The following TNFRSF10B variants were observed in gnomAD, a reference collection of about 807,000 sequenced individuals.
TNFRSF10B encodes the protein tumor necrosis factor receptor superfamily member 10B.
TNFRSF10B carries 35 observed loss-of-function variants against 41.4 expected under a neutral mutation model. The ratio of observed to expected loss-of-function variants is 0.85; its 90% confidence interval spans 0.65 to 1.12. The LOEUF (loss-of-function observed/expected upper bound fraction) is 1.12, where lower values mean the gene tolerates loss of function less well. TNFRSF10B is among the 50% of genes most tolerant of loss of function. The pLI, the probability that TNFRSF10B is intolerant of heterozygous loss-of-function variation, is 0.00. For synonymous variants in TNFRSF10B, 230 were observed against 215.5 expected, an observed-to-expected ratio of 1.07 and a Z score of -0.59; for missense variants, 584 against 552.7, an observed-to-expected ratio of 1.06 and a Z score of -0.57.
chr8:23,045,297 T>C (rs1467948838), intron 1 of TNFRSF10B, among the ~76,000 whole-genome samples: 1 of 151,726 alleles, frequency 6.6e-6, no homozygotes, highest in Non-Finnish European at 1.5e-5. Flanking sequence ...TATGAAAATA[T>C]TATGAACAAT....
rs1585203789 is a variant in TNFRSF10B, at chr8:23,022,623, G to GA, written c.*47dup. On this transcript the variant is annotated 3_prime_UTR_variant, in exon 9 of 9. Transcript: ENST00000276431. ...CTGGAGTCCAGTTGGGCTTTTTCCA[G>GA]AAAAAAGGTAAACCAGGGAAGGTCT... The GA allele has an allele frequency of 1.2e-6, 2 of 1,610,800 alleles. No individual in the cohort carries two copies. The highest frequency in any genetic ancestry group is 1.7e-6 in the Non-Finnish European group (2 of 1,178,056).
chr8:23,042,632 A>G (rs1291189384), intron 2 of TNFRSF10B, among the ~76,000 whole-genome samples: 1 of 152,138 alleles, frequency 6.6e-6, no homozygotes, highest in Non-Finnish European at 1.5e-5. Flanking sequence ...CCCTCTGCTG[A>G]AAACTTCTCA....
intron 1 of TNFRSF10B, among the ~76,000 whole-genome samples, chr8:23,066,174 T>C (rs1782935611): frequency 6.6e-6 from 1 of 151,914 alleles, no homozygotes; most frequent in African/African-American, 2.4e-5. Flanking sequence ...TCCCAGCTAC[T>C]TGGGAGGCCG....
chr8:23,068,553 C>T (rs1813068468), intron 1 of TNFRSF10B, 198 bp downstream of exon 1: 4 of 769,076 alleles, frequency 5.2e-6, no homozygotes, highest in East Asian at 5.5e-5. Context: ...GCGCTCTGTT[C>T]CCTGGCGGCC....
intron 2 of TNFRSF10B, among the ~76,000 whole-genome samples, chr8:23,033,008 A>G (rs1811923534): frequency 6.6e-6 from 1 of 152,218 alleles, no homozygotes; most frequent in African/African-American, 2.4e-5. Context: ...CAATAAGGTT[A>G]TTAGCTAATT....
At position 23,020,936 on chromosome 8, in the gene TNFRSF10B, G is replaced by C. The variant is rs117494441; in HGVS notation, c.*1735C>G. The stretch of plus-strand genomic sequence containing the variant: ...GGGATGCCAGATGGAAGTGGGAGAG[G>C]ATGGAAGTGCAAAGACCAGAAAGGT... On this transcript the variant is annotated 3_prime_UTR_variant, in exon 9 of 9. Transcript: ENST00000276431. 1 of 454,076 alleles carries C rather than the reference G, an allele frequency of 2.2e-6. No homozygotes were observed. The highest frequency in any genetic ancestry group is 6.9e-5 in the East Asian group (1 of 14,394). 28.1% of individuals were successfully genotyped at this position (454,076 alleles called of 1,614,324 possible).
chr8:23,061,002 T>C (rs1048297128), intron 1 of TNFRSF10B, among the ~76,000 whole-genome samples: 3 of 152,222 alleles, frequency 2.0e-5, no homozygotes, highest in Admixed American at 6.5e-5. Flanking sequence ...GAATTCATTT[T>C]AGTACTACTA....
chr8:23,061,162 ATAATATGGT>A (rs1311425543), intron 1 of TNFRSF10B, among the ~76,000 whole-genome samples: 2 of 152,226 alleles, frequency 1.3e-5, no homozygotes, highest in African/African-American at 4.8e-5. Context: ...TCATCATGAC[ATAATATGGT>A]TCAGTGAAGT....
At chr8:23,036,284 G>GTA (rs1233663330) in intron 2 of TNFRSF10B, among the ~76,000 whole-genome samples, 1 of 152,138 alleles carries the variant, frequency 6.6e-6, no homozygotes, top group African/African-American at 2.4e-5. Flanking sequence ...AATGTAATTG[G>GTA]TATATATACA....
chr8:23,068,933 G>C lies in TNFRSF10B; in HGVS notation c.-39C>G. ...GCTCTTATAGTCTCTCAGGCCCGTG[G>C]GTTTCAGCCCTTAAAGTAGATCGGG... On this transcript the variant is annotated 5_prime_UTR_variant, in exon 1 of 9. Coordinates refer to ENST00000276431, the MANE Select transcript of TNFRSF10B (RefSeq NM_003842.5). 6.2e-7 allele frequency: 1 copy of C among 1,613,032 alleles called. No individual in the cohort carries two copies. The highest frequency in any genetic ancestry group is 8.5e-7 in the Non-Finnish European group (1 of 1,179,922).
chr8:23,041,433 G>C (rs187614547), intron 2 of TNFRSF10B, among the ~76,000 whole-genome samples: 8 of 152,042 alleles, frequency 5.3e-5, no homozygotes, highest in African/African-American at 1.4e-4. Flanking sequence ...TTGGAAGGCC[G>C]AGGTGAGAGG....
intron 1 of TNFRSF10B, among the ~76,000 whole-genome samples, chr8:23,067,131 A>C (rs1813010669): frequency 6.6e-6 from 1 of 151,828 alleles, no homozygotes; most frequent in Admixed American, 6.6e-5. Flanking sequence ...GGTGCCCACC[A>C]CCACACCCAG....
intron 1 of TNFRSF10B, among the ~76,000 whole-genome samples, chr8:23,049,422 G>T (rs192262634): frequency 6.6e-6 from 1 of 152,298 alleles, no homozygotes; most frequent in Non-Finnish European, 1.5e-5. Flanking sequence ...AAGTGTGTGG[G>T]AGGGCTGAAG....
At chr8:23,024,291 A>G (rs749382820) in intron 7 of TNFRSF10B, 31 bp from the exon 8 acceptor site, 1 of 1,613,024 alleles carries the variant, frequency 6.2e-7, no homozygotes, top group Non-Finnish European at 8.5e-7. Context: ...TGTCCTGGTC[A>G]GAGCCAGGAG....
intron 8 of TNFRSF10B, 109 bp from the exon 9 acceptor site, chr8:23,023,093 G>T: frequency 7.1e-7 from 1 of 1,404,516 alleles, no homozygotes; most frequent in African/African-American, 1.4e-5. Flanking sequence ...AGCCCCGTGT[G>T]CGGGCAAACC....
At chr8:23,027,987 G>C (rs1341095358) in intron 5 of TNFRSF10B, 6 of 615,640 alleles carry the variant, frequency 9.7e-6, no homozygotes, top group African/African-American at 7.4e-5. Flanking sequence ...TCTGACCAAG[G>C]CTGAAAAAAT....
At chr8:23,063,850 G>C (rs1812906748) in intron 1 of TNFRSF10B, among the ~76,000 whole-genome samples, 1 of 152,186 alleles carries the variant, frequency 6.6e-6, no homozygotes, top group Non-Finnish European at 1.5e-5. Flanking sequence ...TCTGGACTTG[G>C]GTGATCCTCC....
chr8:23,066,814 G>A (rs561074097), intron 1 of TNFRSF10B, among the ~76,000 whole-genome samples: 6 of 151,842 alleles, frequency 4.0e-5, no homozygotes, highest in African/African-American at 1.4e-4. Flanking sequence ...GGAGAATGGC[G>A]TGAACCCAGG....
At chr8:23,062,620 A>C (rs928212359) in intron 1 of TNFRSF10B, among the ~76,000 whole-genome samples, 1 of 152,144 alleles carries the variant, frequency 6.6e-6, no homozygotes, top group Admixed American at 6.5e-5. Flanking sequence ...TAATTCCTAC[A>C]TTTGTAAACT....
Sources: allele counts gnomAD v4.1 joint callset (sites outside exome capture counted in the v4.1 genomes callset), GRCh38; gene constraint gnomAD v4.1.1; transcripts MANE v1.5; gene names NCBI Gene and HGNC (gene_info 2026-07-23, HGNC 2026-07-21).